LILRB5: variants seen among roughly 807,000 people sequenced by gnomAD.
The protein encoded by LILRB5 is leukocyte immunoglobulin-like receptor subfamily B member 5.
Under a neutral mutation model 68.4 loss-of-function variants are expected in LILRB5, and 61 were observed. The ratio of observed to expected loss-of-function variants is 0.89; its 90% CI spans 0.73 to 1.10. The LOEUF (loss-of-function observed/expected upper bound fraction) is 1.10. Ranked by LOEUF, LILRB5 falls within the 50% of genes least tolerant of loss-of-function variation. LILRB5 has a pLI of 0.00. For missense variants in LILRB5, 771 were observed against 751.6 expected, an observed-to-expected ratio of 1.03 and a Z score of -0.30; for synonymous variants, 356 against 315.8, an observed-to-expected ratio of 1.13 and a Z score of -1.35.
chr19:54,256,945 C>A lies in LILRB5; in HGVS notation c.70+16G>T. ...AGTGAGAAGAAGGGACCTGGGACAG[C>A]TGGGGACAGACTCACCTGCCTGCAC... On this transcript the variant is annotated intron_variant, in intron 2 of 12. Transcript: ENST00000449561. The A allele has an allele frequency of 1.9e-6, 3 of 1,614,204 alleles. No homozygotes were observed. Among genetic ancestry groups the A allele is most frequent in the African/African-American group, 1.3e-5 (1 of 75,058 alleles).
rs767274971 is a variant in LILRB5 at position 54,252,535 on chromosome 19, G to T, written c.1489C>A (p.Pro497Thr). 1 of 1,614,032 alleles carries T rather than the reference G, an allele frequency of 6.2e-7. No individual in the cohort carries two copies. The highest frequency in any genetic ancestry group is 8.5e-7 in the Non-Finnish European group (1 of 1,179,998). ...KHRTSAHFYR[P>T]AGAAGPEPKD... Reference sequence around the variant, plus strand: ...GGCTCTGGCCCCGCAGCCCCTGCAGGACGGTAGAAATGGGCTGGACAGAGA... The same window carrying T: ...GGCTCTGGCCCCGCAGCCCCTGCAGTACGGTAGAAATGGGCTGGACAGAGA... Residue 497 changes from proline to threonine, a missense_variant, in exon 10 of 13, where the codon CCT becomes ACT. Physicochemically the swap from Pro to Thr is conservative, Grantham distance 38. Transcript: ENST00000449561.
At chr19:54,254,652 C>G in intron 6 of LILRB5, 83 bp downstream of exon 6, 1 of 1,557,326 alleles carries the variant, frequency 6.4e-7, no homozygotes, top group Non-Finnish European at 8.8e-7. Context: ...CGCACCGCGA[C>G]TCCATCCCAG....
chr19:54,252,608 A>T lies in LILRB5; in HGVS notation c.1475-59T>A, dbSNP rs371458227. 1,510 of 1,584,688 alleles carry T rather than the reference A, an allele frequency of 9.5e-4. 14 individuals carry two copies. The highest frequency in any genetic ancestry group is 8.1e-3 in the South Asian group (728 of 90,320). On this transcript the variant is annotated intron_variant, in intron 9 of 12. Coordinates refer to ENST00000449561, the MANE Select transcript of LILRB5 (RefSeq NM_001081442.3). ...AGAATTCGAACCAGCTGCCCTGCAC[A>T]CACAACTCGAGCGGAAAGAAGGAAA... is the stretch of plus-strand genomic sequence containing the variant.
chr19:54,250,685 G>A lies in LILRB5; in HGVS notation c.*101C>T. 1 of 1,487,202 alleles carries A rather than the reference G, an allele frequency of 6.7e-7. No individual in the cohort carries two copies. Among genetic ancestry groups the A allele is most frequent in the Non-Finnish European group, 9.2e-7 (1 of 1,086,116 alleles). The allele number at this position is 1,487,202 out of a possible 1,614,324, so 92.1% of individuals were successfully genotyped here. The stretch of plus-strand genomic sequence containing the variant: ...CCTGGTGGTCTTTGTTAGGGGTCCA[G>A]GCTGGCTGGGGTTCATTGGTGTCCA... On this transcript the variant is annotated 3_prime_UTR_variant, in exon 13 of 13. Coordinates refer to ENST00000449561, the MANE Select transcript of LILRB5 (RefSeq NM_001081442.3).
At position 54,254,796 on chromosome 19, in the gene LILRB5, T is replaced by G. The variant is rs1439599695; in HGVS notation, c.1194A>C (p.Ala398=). The G allele has an allele frequency of 2.5e-6, 4 of 1,614,072 alleles. No individual in the cohort carries two copies. The highest frequency in any genetic ancestry group is 3.3e-5 in the Admixed American group (2 of 60,012). ...AQGGTYRCYS[A]IRSYPYLLSS... is the part of the protein sequence containing the mutation. ...ACAGCAGGTAGGGGTAGGACCTGAT[T>G]GCGCTGTAGCATCGGTAGGTTCCAC... The change falls in exon 6 of 13, where the codon GCA becomes GCC. Residue 398 remains alanine (A), a synonymous_variant. Transcript: ENST00000449561.
rs1404856801 is a variant in LILRB5, at chr19:54,256,200, CA to C, written c.497del (p.Leu166ArgfsTer20). On this transcript the variant is annotated frameshift_variant, in exon 4 of 13. Transcript: ENST00000449561. LOFTEE classifies it high-confidence loss of function. ...VEEEQKLPRTLYSQKLPKGPS... is the reference protein window; with the variant it reads ...VEEEQKLPRTXYSQKLPKGPS... ...GCCCTTTGGGGAGCTTCTGTGAGTA[CA>C]GGGTCCTGGGGAGCTTCTGTTCTTC... 6.2e-7 allele frequency: 1 copy of C among 1,613,980 alleles called. No individual in the cohort carries two copies. The highest frequency in any genetic ancestry group is 1.1e-5 in the South Asian group (1 of 91,066).
At position 54,255,258 on chromosome 19, in the gene LILRB5, C is replaced by G. The variant is rs1180521217; in HGVS notation, c.952+28G>C. The stretch of plus-strand genomic sequence containing the variant: ...GGCAGGACCTGTGCAGAGCCTGGGT[C>G]CCTGACTGAACCCGCTGGGCTCCTC... On this transcript the variant is annotated intron_variant, in intron 5 of 12. Transcript: ENST00000449561. The G allele has an allele frequency of 2.5e-6, 4 of 1,609,054 alleles. No homozygotes were observed. In the Admixed American group the frequency reaches 6.7e-5, roughly 27 times the overall value.
rs1182803168 is a variant in LILRB5 at position 54,252,520 on chromosome 19, CCG to C, written c.1502_1503del (p.Ala501GlyfsTer18). 79 of 1,613,978 alleles carry C rather than the reference CCG, an allele frequency of 4.9e-5. No homozygotes were observed. Among genetic ancestry groups the C allele is most frequent in the Non-Finnish European group, 6.3e-5 (74 of 1,180,040 alleles). ...SAHFYRPAGA[A>X]GPEPKDQGLQ... ...AGGCCCTGGTCCTTGGGCTCTGGCC[CCG>C]CAGCCCCTGCAGGACGGTAGAAATG... On this transcript the variant is annotated frameshift_variant, in exon 10 of 13. Transcript: ENST00000449561. LOFTEE classifies it high-confidence loss of function.
chr19:54,254,535 C>T (rs2147637958), intron 6 of LILRB5, 120 bp from the exon 7 acceptor site: 2 of 1,331,414 alleles, frequency 1.5e-6, no homozygotes, highest in South Asian at 2.7e-5. Context: ...CATTTGCATC[C>T]CAGGAGATGG....
At chr19:54,253,064 C>G in intron 8 of LILRB5, 77 bp from the exon 9 acceptor site, 1 of 903,566 alleles carries the variant, frequency 1.1e-6, no homozygotes, top group Non-Finnish European at 1.6e-6. Context: ...CGAGCTAGGT[C>G]TTTCCTTCAT....
rs1484763473 is a variant in LILRB5 at position 54,255,527 on chromosome 19, T to A, written c.711A>T (p.Gly237=). 1 of 1,613,746 alleles carries A rather than the reference T, an allele frequency of 6.2e-7. No individual in the cohort carries two copies. The highest frequency in any genetic ancestry group is 8.5e-7 in the Non-Finnish European group (1 of 1,179,932). The change falls in exon 5 of 13, where the codon GGA becomes GGT. Residue 237 remains glycine (G), a synonymous_variant. Coordinates refer to ENST00000449561, the MANE Select transcript of LILRB5 (RefSeq NM_001081442.3). ...AGCGACACTGCAGGGTCAGGCTGCC[T>A]CCGCGGGCCACGACAGAGCCCTGCG... ...LIPQGSVVAR[G]GSLTLQCRSD... is the part of the protein sequence containing the mutation.
At position 54,254,212 on chromosome 19, in the gene LILRB5, C is replaced by A. The variant is rs561939835; in HGVS notation, c.1307-144G>T. The A allele has an allele frequency of 3.4e-6, 5 of 1,473,706 alleles. No individual in the cohort carries two copies. In the Admixed American group the frequency reaches 9.6e-5, roughly 28 times the overall value. The allele number at this position is 1,473,706 out of a possible 1,614,324, so 91.3% of individuals were successfully genotyped here. On this transcript the variant is annotated intron_variant, in intron 7 of 12. Transcript: ENST00000449561. Reference sequence around the variant, plus strand: ...CCTCACCGGCCCAGCCTCAGAGCCCCGGGGAGCCTGTGGCCCCTCCTCTGG... The same window carrying A: ...CCTCACCGGCCCAGCCTCAGAGCCCAGGGGAGCCTGTGGCCCCTCCTCTGG...
Position 54,252,863 on chromosome 19 carries a change from C to T in LILRB5, c.1474+8G>A. 1 of 1,603,736 alleles carries T rather than the reference C, an allele frequency of 6.2e-7. No homozygotes were observed. Among genetic ancestry groups the T allele is most frequent in the Admixed American group, 1.7e-5 (1 of 59,572 alleles). On this transcript the variant is annotated splice_region_variant and intron_variant, in intron 9 of 12. Coordinates refer to ENST00000449561, the MANE Select transcript of LILRB5 (RefSeq NM_001081442.3). ...GTCGGCCCACGGGTTCCCCCATTCC[C>T]TACTCACCCGATGTCCTGTGTTTGC...
intron 4 of LILRB5, 64 bp downstream of exon 4, chr19:54,255,979 C>G: frequency 2.2e-6 from 3 of 1,352,812 alleles, no homozygotes; most frequent in Non-Finnish European, 3.0e-6. Flanking sequence ...CAGTCATCAA[C>G]CAAACTCCCA....
In LILRB5 at chr19:54,252,490, T is replaced by C; in HGVS notation, c.1534A>G (p.Lys512Glu). 6.2e-7 allele frequency: 1 copy of C among 1,614,108 alleles called. No individual in the cohort carries two copies. The highest frequency in any genetic ancestry group is 8.5e-7 in the Non-Finnish European group (1 of 1,180,016). ...TGGGTCTTCATGCAGAATTACCTCTTCTGCAGGCCCTGGTCCTTGGGCTCT... is the reference window on the plus strand; with the variant it reads ...TGGGTCTTCATGCAGAATTACCTCTCCTGCAGGCCCTGGTCCTTGGGCTCT... ...GPEPKDQGLQ[K>E]RASPVADIQE... Residue 512 changes from lysine (K) to glutamate (E), a missense_variant, in exon 10 of 13, where the codon AAG (lysine) becomes GAG (glutamate). Coordinates refer to ENST00000449561, the MANE Select transcript of LILRB5 (RefSeq NM_001081442.3).
At chr19:54,255,833 C>T in intron 4 of LILRB5, 1 of 650,424 alleles carries the variant, frequency 1.5e-6, no homozygotes, top group Admixed American at 3.0e-5. Flanking sequence ...CAAATACACC[C>T]ATTGCCTTCC....
At chr19:54,255,241 C>T (rs2051430915) in intron 5 of LILRB5, 45 bp downstream of exon 5, 1 of 1,599,896 alleles carries the variant, frequency 6.3e-7, no homozygotes, top group South Asian at 1.1e-5. Flanking sequence ...CCGGCAGGAC[C>T]TGTGCAGAGC....
chr19:54,256,001 G>C, intron 4 of LILRB5, 42 bp downstream of exon 4: 1 of 1,468,446 alleles, frequency 6.8e-7, no homozygotes, highest in African/African-American at 1.4e-5. Context: ...CAACCTATCT[G>C]GTTCCCCAAA....
At position 54,255,266 on chromosome 19, in the gene LILRB5, G is replaced by A. The variant is rs1477022395; in HGVS notation, c.952+20C>T. On this transcript the variant is annotated intron_variant, in intron 5 of 12. Transcript: ENST00000449561. ...CTGTGCAGAGCCTGGGTCCCTGACT[G>A]AACCCGCTGGGCTCCTCACCTGCGA... The A allele has an allele frequency of 3.7e-6, 6 of 1,610,520 alleles. No homozygotes were observed. Among genetic ancestry groups the A allele is most frequent in the Non-Finnish European group, 5.1e-6 (6 of 1,178,856 alleles).
Sources: gnomAD v4.1 joint callset for allele counts on GRCh38, gnomAD v4.1.1 for gene constraint, MANE v1.5 for transcripts, NCBI Gene and HGNC (gene_info 2026-07-23, HGNC 2026-07-21) for gene names.